Variants in GART observed in about 807,000 individuals in gnomAD.
GART encodes the protein phosphoribosylglycinamide formyltransferase, phosphoribosylglycinamide synthetase, phosphoribosylaminoimidazole synthetase, also known as trifunctional purine biosynthetic protein adenosine-3.
In GART, 43 loss-of-function variants were observed where a neutral mutation model predicts 107.2. The observed-to-expected ratio is 0.40, with a 90% CI of 0.31 to 0.52. The LOEUF is 0.52. GART is among the 20% of genes least tolerant of loss of function. The pLI, the probability that GART is intolerant of heterozygous loss-of-function variation, is 0.52. For missense variants in GART, 1,107 were observed against 1,206.5 expected, an observed-to-expected ratio of 0.92 and a Z score of 1.22; for synonymous variants, 434 against 427.0, an observed-to-expected ratio of 1.02 and a Z score of -0.20.
intron 16 of GART, among the ~76,000 whole-genome samples, chr21:33,514,150 C>T (rs1372446728): frequency 2.0e-5 from 3 of 152,088 alleles, no homozygotes; most frequent in South Asian, 2.1e-4. Context: ...TACCTGTGGT[C>T]CCAGCTACTT....
chr21:33,518,228 A>G (rs2084911121), intron 14 of GART, among the ~76,000 whole-genome samples: 1 of 152,246 alleles, frequency 6.6e-6, no homozygotes, highest in South Asian at 2.1e-4. Flanking sequence ...CACGCCTGTA[A>G]TCCCAGCACT....
intron 2 of GART, among the ~76,000 whole-genome samples, chr21:33,536,537 C>A (rs2085307405): frequency 6.6e-6 from 1 of 152,198 alleles, no homozygotes. Flanking sequence ...AACCACAGTG[C>A]TGAACGCTAT....
At chr21:33,519,023 G>A (rs2084924041) in intron 14 of GART, 1 of 262,250 alleles carries the variant, frequency 3.8e-6, no homozygotes, top group East Asian at 1.0e-4. Context: ...ACTTCTTAAG[G>A]AGAACTGAAG....
rs769112310 is a variant in GART, at chr21:33,505,960, C to T, written c.2583+14G>A. ...ATATGGCCCACAGCAAAGATATTTT[C>T]CCAAGTAACTTACTCTAGTGGGAAT... On this transcript the variant is annotated intron_variant, in intron 19 of 21. Transcript: ENST00000381815. 6.2e-7 allele frequency: 1 copy of T among 1,613,732 alleles called. No individual in the cohort carries two copies. The highest frequency in any genetic ancestry group is 2.2e-5 in the East Asian group (1 of 44,872).
At chr21:33,511,553 G>T in intron 16 of GART, 95 bp from the exon 17 acceptor site, 1 of 1,272,564 alleles carries the variant, frequency 7.9e-7, no homozygotes. Context: ...ATTATAATCA[G>T]GCTCTGCTAT....
At position 33,517,570 on chromosome 21, in the gene GART, C is replaced by T; in HGVS notation, c.1741G>A (p.Gly581Arg). ...GCAAACCCAGCTAGGTCATACTCTCCAGGGGGATACATGTCAGGCATTTCT... is the reference window on the plus strand; with the variant it reads ...GCAAACCCAGCTAGGTCATACTCTCTAGGGGGATACATGTCAGGCATTTCT... The part of the protein sequence containing the change: ...TAEMPDMYPP[G>R]EYDLAGFAVG... Residue 581 changes from glycine to arginine, a missense_variant, in exon 15 of 22, where the codon GGA (glycine) becomes AGA (arginine). Transcript: ENST00000381815. The T allele has an allele frequency of 1.2e-6, 2 of 1,614,200 alleles. No individual in the cohort carries two copies.
At chr21:33,521,131 T>C (rs2084966003) in intron 12 of GART, 116 bp from the exon 13 acceptor site, 1 of 713,094 alleles carries the variant, frequency 1.4e-6, no homozygotes, top group African/African-American at 1.8e-5. Flanking sequence ...GATGTACTTC[T>C]GGAAGAAATA....
chr21:33,515,652 C>CAAAAAAAA (rs71194850), intron 16 of GART, among the ~76,000 whole-genome samples: 18 of 35,766 alleles, frequency 5.0e-4, no homozygotes, highest in Admixed American at 1.1e-3. Flanking sequence ...GACTCCAACT[C>CAAAAAAAA]AAAAAAAAAA....
intron 16 of GART, among the ~76,000 whole-genome samples, chr21:33,514,917 T>C (rs1448992270): frequency 6.6e-6 from 1 of 152,164 alleles, no homozygotes; most frequent in Non-Finnish European, 1.5e-5. Flanking sequence ...ACTCTTCAGT[T>C]CTCTCCGAGC....
rs765536885 is a variant in GART, at chr21:33,532,306, T to C, written c.528+39A>G. ...AACTTAAAACGGTATTTATTCAGTA[T>C]GAATAGAAAAGTAAATTTTTTCAGA... On this transcript the variant is annotated intron_variant, in intron 5 of 21. Transcript: ENST00000381815. 70 of 1,391,712 alleles carry C rather than the reference T, an allele frequency of 5.0e-5. 1 individual carries two copies. The East Asian group carries it at 1.6e-3, about 32-fold the overall frequency. 86.2% of individuals were successfully genotyped at this position (1,391,712 alleles called of 1,614,324 possible).
rs745760209 is a variant in GART at position 33,528,230 on chromosome 21, G to A, written c.1003C>T (p.Leu335=). ...LPVWLENHTA[L]TVVMASKGYP... is the part of the protein sequence containing the mutation. ...CCTTTACTTGCCATGACAACAGTTA[G>A]GGCGGTGTGGTTTTCTAGCCAAACA... Residue 335 remains leucine, a synonymous_variant, in exon 10 of 22, where the codon CTA becomes TTA. Transcript: ENST00000381815. 3.1e-6 allele frequency: 5 copies of A among 1,613,922 alleles called. No homozygotes were observed. The highest frequency in any genetic ancestry group is 4.2e-6 in the Non-Finnish European group (5 of 1,179,994).
chr21:33,534,467 T>G (rs1429656240), intron 4 of GART, 112 bp downstream of exon 4: 2 of 1,111,110 alleles, frequency 1.8e-6, no homozygotes, highest in Admixed American at 2.1e-5. Flanking sequence ...TTCACCTGCC[T>G]TGGCCTCCCA....
At chr21:33,524,123 T>A in intron 11 of GART, 1 of 985,306 alleles carries the variant, frequency 1.0e-6, no homozygotes. Context: ...AGTGATAAAA[T>A]GAGACTGTCA....
intron 1 of GART, among the ~76,000 whole-genome samples, chr21:33,541,635 T>TG (rs1601240729): frequency 6.6e-6 from 1 of 152,182 alleles, no homozygotes; most frequent in Non-Finnish European, 1.5e-5. Flanking sequence ...AGGAAGACCT[T>TG]GGGGGACTTC....
intron 14 of GART, among the ~76,000 whole-genome samples, chr21:33,519,908 T>A (rs1330259379): frequency 1.3e-5 from 2 of 151,850 alleles, no homozygotes; most frequent in Non-Finnish European, 2.9e-5. Flanking sequence ...ATTTCATGTA[T>A]AAAGATACTT....
chr21:33,515,001 A>G (rs530663178), intron 16 of GART, among the ~76,000 whole-genome samples: 28 of 152,280 alleles, frequency 1.8e-4, no homozygotes, highest in African/African-American at 5.3e-4. Flanking sequence ...CTTCTCCCCA[A>G]TGAATGACCC....
chr21:33,532,021 G>A (rs571891031), intron 5 of GART: 13 of 283,970 alleles, frequency 4.6e-5, no homozygotes, highest in African/African-American at 2.2e-5. Context: ...TCTTAGACCC[G>A]GGACATGTGG....
chr21:33,510,044 G>T, intron 17 of GART, 124 bp from the exon 18 acceptor site: 1 of 833,800 alleles, frequency 1.2e-6, no homozygotes, highest in Non-Finnish European at 1.8e-6. Context: ...ATAATGCAAG[G>T]ACTAAAATGA....
chr21:33,541,635 TG>T (rs1601240729), intron 1 of GART, among the ~76,000 whole-genome samples: 1 of 152,182 alleles, frequency 6.6e-6, no homozygotes, highest in Admixed American at 6.5e-5. Flanking sequence ...AGGAAGACCT[TG>T]GGGGACTTCA....
Sources: allele counts gnomAD v4.1 joint callset (sites outside exome capture counted in the v4.1 genomes callset), GRCh38; gene constraint gnomAD v4.1.1; transcripts MANE v1.5; gene names NCBI Gene and HGNC (gene_info 2026-07-23, HGNC 2026-07-21).